Variants in POLE observed in about 807,000 individuals in gnomAD.
The protein encoded by POLE is DNA polymerase epsilon, catalytic subunit.
A neutral mutation model predicts 279.2 loss-of-function variants in POLE; 188 were observed. The ratio of observed to expected loss-of-function variants is 0.67; its 90% CI spans 0.60 to 0.76. The LOEUF (loss-of-function observed/expected upper bound fraction) is 0.76. POLE is among the 30% of genes least tolerant of loss of function. The probability of loss-of-function intolerance (pLI) is 0.00; values close to 1 mark genes in which losing one functional copy is unlikely to be tolerated. For synonymous variants in POLE, 1,214 were observed against 1,172.5 expected, an observed-to-expected ratio of 1.04 and a Z score of -0.72; for missense variants, 2,703 against 3,016.7, an observed-to-expected ratio of 0.90 and a Z score of 2.44.
In POLE at chr12:132,676,210, C is replaced by G. The variant is rs4077170; in HGVS notation, c.910-6G>C. ...CTGTTGGTGATGAGGTAGCCCTAGC[C>G]AAGTTCATTAGCAATCAGCACAAGT... On this transcript the variant is annotated splice_polypyrimidine_tract_variant and splice_region_variant and intron_variant, in intron 9 of 48. Transcript: ENST00000320574. 0.67 allele frequency: 1,080,399 copies of G among 1,600,780 alleles called. 369,890 individuals carry two copies. Among genetic ancestry groups the G allele is most frequent in the Non-Finnish European group, 0.7 (824,124 of 1,169,476 alleles).
In POLE at chr12:132,649,495, G is replaced by A. The variant is rs1340280694; in HGVS notation, c.3816C>T (p.Leu1272=). 2 of 1,612,212 alleles carry A rather than the reference G, an allele frequency of 1.2e-6. No individual in the cohort carries two copies. The highest frequency in any genetic ancestry group is 1.7e-6 in the Non-Finnish European group (2 of 1,180,004). ...GCTGCCACTTCTTCTTGTGGAACCG[G>A]AGCCAGACAAGCCATTCCTCCTGGG... ...GTSQEEWLVW[L]RFHKKKWQLQ... is the part of the protein sequence containing the mutation. The change falls in exon 31 of 49, where the codon CTC becomes CTT. Residue 1272 remains leucine, a synonymous_variant. Coordinates refer to ENST00000320574, the MANE Select transcript of POLE (RefSeq NM_006231.4).
In POLE at chr12:132,675,623, A is replaced by C; in HGVS notation, c.1107-106T>G. ...GGAGGAACCCAGACACGGGAGGTGC[A>C]GAGTGAACCCAGGAGCCACCTCCTA... On this transcript the variant is annotated intron_variant, in intron 11 of 48. Transcript: ENST00000320574. The surrounding 1 kb of genome is among the most constrained non-coding windows in gnomAD (Gnocchi z 4.3). 1.3e-6 allele frequency: 2 copies of C among 1,585,870 alleles called. No individual in the cohort carries two copies. The highest frequency in any genetic ancestry group is 1.7e-6 in the Non-Finnish European group (2 of 1,159,276).
intron 35 of POLE, 35 bp from the exon 36 acceptor site, chr12:132,643,031 C>T (rs776251438): frequency 7.1e-6 from 11 of 1,557,962 alleles, no homozygotes; most frequent in African/African-American, 4.1e-5. Flanking sequence ...CCTCCCCCTG[C>T]GCAGGAGGAA....
At chr12:132,652,538 C>T (rs2042446379) in intron 29 of POLE, among the ~76,000 whole-genome samples, 1 of 151,990 alleles carries the variant, frequency 6.6e-6, no homozygotes, top group South Asian at 2.1e-4. Flanking sequence ...TGCCCAGGCT[C>T]GTCTGGAACT....
In POLE at chr12:132,675,863, C is replaced by A. The variant is rs756545638; in HGVS notation, c.1021-43G>T. ...CAGTCAGAGGTCTGCTCTTTCTCTT[C>A]TTCAAGCTATTCCAAATTCCTCTCC... On this transcript the variant is annotated intron_variant, in intron 10 of 48. Transcript: ENST00000320574. The surrounding 1 kb of genome is among the most constrained non-coding windows in gnomAD (Gnocchi z 4.3). The A allele has an allele frequency of 2.7e-6, 4 of 1,489,662 alleles. No individual in the cohort carries two copies. In the African/African-American group the frequency reaches 4.1e-5, roughly 15 times the overall value. The allele number at this position is 1,489,662 out of a possible 1,614,324, so 92.3% of individuals were successfully genotyped here.
At position 132,661,661 on chromosome 12, in the gene POLE, G is replaced by A. The variant is rs1204210187; in HGVS notation, c.2730C>T (p.Tyr910=). The A allele has an allele frequency of 1.2e-6, 2 of 1,614,152 alleles. No individual in the cohort carries two copies. The highest frequency in any genetic ancestry group is 1.7e-6 in the Non-Finnish European group (2 of 1,180,002). Residue 910 remains tyrosine (Y), a synonymous_variant, in exon 24 of 49, where the codon TAC becomes TAT. Coordinates refer to ENST00000320574, the MANE Select transcript of POLE (RefSeq NM_006231.4). This position sits in a 1 kb window ranked among gnomAD's most constrained non-coding sequence, Gnocchi z 4.1. The part of the protein sequence containing the change: ...MVKEGFTNDQ[Y]QELAEPSSLT... ...GTGAGGACGGCTCAGCCAGCTCCTG[G>A]TACTGGTCATTGGTGAAGCCTTCCT...
intron 32 of POLE, among the ~76,000 whole-genome samples, chr12:132,644,364 CTA>C (rs2042227686): frequency 7.1e-6 from 1 of 140,002 alleles, no homozygotes; most frequent in South Asian, 2.3e-4. Flanking sequence ...GGAGGTCTCA[CTA>C]TGAGGCCCAG....
chr12:132,658,099 C>A (rs1373196530), intron 26 of POLE, 129 bp from the exon 27 acceptor site: 1 of 659,860 alleles, frequency 1.5e-6, no homozygotes, highest in Non-Finnish European at 2.7e-6. Context: ...ATGTATACAT[C>A]TGCGTGCATA....
At chr12:132,673,418 C>T (rs745996231) in intron 13 of POLE, 141 bp from the exon 14 acceptor site, 138 of 1,233,146 alleles carry the variant, frequency 1.1e-4, no homozygotes, top group Non-Finnish European at 1.4e-4. Context: ...ACACGTGTGT[C>T]CCGGAGACAC....
Position 132,667,620 on chromosome 12 carries a change from G to A in POLE, c.2202C>T (p.Ile734=), listed in dbSNP as rs2042826406. ...GACGCTCTTCCACCTTGGTGATGTGGATCTTCTTGTAGGCTTTCCGGCAGT... is the reference window on the plus strand; with the variant it reads ...GACGCTCTTCCACCTTGGTGATGTGAATCTTCTTGTAGGCTTTCCGGCAGT... ...ADYCRKAYKK[I]HITKVEERLT... is the part of the protein sequence containing the mutation. Residue 734 remains isoleucine, a synonymous_variant, in exon 20 of 49, where the codon ATC becomes ATT. Coordinates refer to ENST00000320574, the MANE Select transcript of POLE (RefSeq NM_006231.4). 6.2e-7 allele frequency: 1 copy of A among 1,614,188 alleles called. No homozygotes were observed. The highest frequency in any genetic ancestry group is 8.5e-7 in the Non-Finnish European group (1 of 1,180,006).
rs748381500 is a variant in POLE at position 132,643,825 on chromosome 12, C to T, written c.4290+12G>A. 1.2e-6 allele frequency: 2 copies of T among 1,611,470 alleles called. No homozygotes were observed. The highest frequency in any genetic ancestry group is 2.7e-5 in the African/African-American group (2 of 74,876). ...CCTCCCCCAGTTCAGTCGAGGGTGG[C>T]TGGGGAGTCACCTGAGTCTCATATA... On this transcript the variant is annotated intron_variant, in intron 33 of 48. Coordinates refer to ENST00000320574, the MANE Select transcript of POLE (RefSeq NM_006231.4).
chr12:132,675,275 C>G lies in POLE; in HGVS notation c.1226+123G>C, dbSNP rs893392532. Reference sequence around the variant, plus strand: ...TGCAGCTGCCATACTCTTGGGTGACCTGAAACGGCCTCTCGGAGGCCACCC... The same window carrying G: ...TGCAGCTGCCATACTCTTGGGTGACGTGAAACGGCCTCTCGGAGGCCACCC... On this transcript the variant is annotated intron_variant, in intron 12 of 48. Transcript: ENST00000320574. The surrounding 1 kb of genome is among the most constrained non-coding windows in gnomAD (Gnocchi z 4.3). 21 of 1,284,932 alleles carry G rather than the reference C, an allele frequency of 1.6e-5. No individual in the cohort carries two copies. In the African/African-American group the frequency reaches 3.1e-4, roughly 19 times the overall value. The allele number at this position is 1,284,932 out of a possible 1,614,324, so 79.6% of individuals were successfully genotyped here.
rs1555226494 is a variant in POLE at position 132,664,365 on chromosome 12, C to T, written c.2561+5G>A. 6.2e-7 allele frequency: 1 copy of T among 1,612,998 alleles called. No individual in the cohort carries two copies. The highest frequency in any genetic ancestry group is 1.7e-5 in the Admixed American group (1 of 60,008). On this transcript the variant is annotated splice_donor_5th_base_variant and intron_variant, in intron 22 of 48. Coordinates refer to ENST00000320574, the MANE Select transcript of POLE (RefSeq NM_006231.4). This position sits in a 1 kb window ranked among gnomAD's most constrained non-coding sequence, Gnocchi z 5.3. Reference sequence around the variant, plus strand: ...CCAGCCCCACGGCTCCCCTTCTGCACTCACCCAATCTGCTCGATCAGCTCC... The same window carrying T: ...CCAGCCCCACGGCTCCCCTTCTGCATTCACCCAATCTGCTCGATCAGCTCC...
chr12:132,671,678 G>GA (rs59237637), intron 16 of POLE, among the ~76,000 whole-genome samples: 1,557 of 72,504 alleles, frequency 0.021, 19 homozygotes, highest in African/African-American at 0.058. Flanking sequence ...CTCAAAAAGG[G>GA]AAAAAAAAAA....
At position 132,679,979 on chromosome 12, in the gene POLE, G is replaced by C. The variant is rs2043133987; in HGVS notation, c.398C>G (p.Thr133Ser). ...KFQGKIAKVE[T>S]VPKEDLDLPN... is the part of the protein sequence containing the mutation. ...CAAGTCCAGATCCTCTTTGGGGACA[G>C]TCTCCACTTTTGCAATTTTGCCCTG... Residue 133 changes from threonine to serine, a missense_variant, in exon 5 of 49, where the codon ACT becomes AGT. Thr to Ser is a moderately conservative substitution (Grantham distance 58, BLOSUM62 1). Transcript: ENST00000320574. The C allele has an allele frequency of 6.2e-7, 1 of 1,613,624 alleles. No homozygotes were observed. The highest frequency in any genetic ancestry group is 8.5e-7 in the Non-Finnish European group (1 of 1,179,522).
intron 27 of POLE, 109 bp from the exon 28 acceptor site, chr12:132,657,538 C>T: frequency 1.1e-6 from 1 of 928,080 alleles, no homozygotes. Context: ...TTAATCCTCT[C>T]AGAAACTCTA....
At chr12:132,676,030 G>A in intron 10 of POLE, 64 bp downstream of exon 10, 1 of 1,149,394 alleles carries the variant, frequency 8.7e-7, no homozygotes, top group Non-Finnish European at 1.3e-6. Flanking sequence ...CTGAGGCCTT[G>A]GAAAGATCCA....
At chr12:132,626,749 C>T (rs1331146764) in intron 45 of POLE, among the ~76,000 whole-genome samples, 1 of 151,892 alleles carries the variant, frequency 6.6e-6, no homozygotes, top group Non-Finnish European at 1.5e-5. Flanking sequence ...CAGAAAGAGA[C>T]TCACATAGAT....
In POLE at chr12:132,668,634, C is replaced by G. The variant is rs768964210; in HGVS notation, c.2026+1G>C. 4 of 1,609,872 alleles carry G rather than the reference C, an allele frequency of 2.5e-6. No individual in the cohort carries two copies. Among genetic ancestry groups the G allele is most frequent in the Non-Finnish European group, 3.4e-6 (4 of 1,176,470 alleles). ...TGCCCACCCAGGCGGCCGACACTCACTGAACTCGCCCCTCCACTGCCAGGC... is the reference window on the plus strand; with the variant it reads ...TGCCCACCCAGGCGGCCGACACTCAGTGAACTCGCCCCTCCACTGCCAGGC... On this transcript the variant is annotated splice_donor_variant, in intron 18 of 48. Coordinates refer to ENST00000320574, the MANE Select transcript of POLE (RefSeq NM_006231.4). LOFTEE classifies it high-confidence loss of function. The surrounding 1 kb of genome is among the most constrained non-coding windows in gnomAD (Gnocchi z 4.0).
Sources: allele counts gnomAD v4.1 joint callset (sites outside exome capture counted in the v4.1 genomes callset), GRCh38; gene constraint gnomAD v4.1.1; non-coding constraint Gnocchi (gnomAD v3.1); transcripts MANE v1.5; gene names NCBI Gene and HGNC (gene_info 2026-07-23, HGNC 2026-07-21).